CTNNA2: variants seen among roughly 807,000 people sequenced by gnomAD.
CTNNA2 encodes the protein catenin alpha 2.
A neutral mutation model predicts 101.0 loss-of-function variants in CTNNA2; 42 were observed. The ratio of observed to expected loss-of-function variants is 0.42; its 90% CI spans 0.32 to 0.54. The LOEUF (loss-of-function observed/expected upper bound fraction) is 0.54, where lower values mean the gene tolerates loss of function less well. CTNNA2 is among the 20% of genes least tolerant of loss of function. The pLI is 0.14. For synonymous variants in CTNNA2, 450 were observed against 456.4 expected (o/e 0.99, Z 0.18); for missense variants, 871 against 1,223.1 (o/e 0.71, Z 4.29).
chr2:80,573,882 T>G (rs1477885260), intron 12 of CTNNA2, among the ~76,000 whole-genome samples: 2 of 152,144 alleles, frequency 1.3e-5, no homozygotes, highest in African/African-American at 4.8e-5. Context: ...GAAAACTATA[T>G]TCACACACTA....
intron 3 of CTNNA2, among the ~76,000 whole-genome samples, chr2:79,353,778 T>C: frequency 6.6e-6 from 1 of 152,192 alleles, no homozygotes; most frequent in East Asian, 1.9e-4. Flanking sequence ...GCTATGTGCT[T>C]AAGTGTGTTT....
chr2:79,800,496 C>A (rs1460814171), intron 3 of CTNNA2, among the ~76,000 whole-genome samples: 1 of 151,956 alleles, frequency 6.6e-6, no homozygotes, highest in African/African-American at 2.4e-5. Context: ...TTGAAAAATA[C>A]AGGAAATGCT....
chr2:79,608,801 A>G (rs1023262935), intron 1 of CTNNA2, among the ~76,000 whole-genome samples: 2 of 152,066 alleles, frequency 1.3e-5, no homozygotes. Flanking sequence ...TATAAACTTA[A>G]TGTTAAAAGA....
rs1004105988 is a variant in CTNNA2, at chr2:80,103,739, G to C, written c.1056+193942G>C. On this transcript the variant is annotated intron_variant, in intron 7 of 18. Coordinates refer to ENST00000402739, the MANE Select transcript of CTNNA2 (RefSeq NM_001282597.3). ...CTTAAATAATGTTTTGTTTTGTTTT[G>C]TTTTTGATTTTTTGAGACAGAGTCT... Among the ~76,000 whole-genome samples, 4 of 152,076 alleles carry C rather than the reference G, an allele frequency of 2.6e-5. 1 individual carries two copies. In the South Asian group the frequency reaches 8.3e-4, roughly 32 times the overall value.
chr2:80,284,534 T>C (rs1309037755), intron 7 of CTNNA2, among the ~76,000 whole-genome samples: 1 of 152,154 alleles, frequency 6.6e-6, no homozygotes, highest in Non-Finnish European at 1.5e-5. Flanking sequence ...TGAATGTGGT[T>C]CAATGCAGTT....
At chr2:79,601,435 C>A (rs1253635264) in intron 1 of CTNNA2, among the ~76,000 whole-genome samples, 1 of 152,176 alleles carries the variant, frequency 6.6e-6, no homozygotes, top group East Asian at 1.9e-4. Context: ...GGGAGCTGGG[C>A]TCTCATACTC....
intron 2 of CTNNA2, among the ~76,000 whole-genome samples, chr2:79,216,796 T>G (rs1572983804): frequency 6.8e-6 from 1 of 147,112 alleles, no homozygotes; most frequent in Admixed American, 6.8e-5. Context: ...AGAGAAGGGG[T>G]AGAGACATGG....
rs79277167 is a variant in CTNNA2 at position 80,254,403 on chromosome 2, G to A, written c.1057-138808G>A. Among the ~76,000 whole-genome samples the A allele has an allele frequency of 5.4e-3, 827 of 152,266 alleles. 3 individuals carry two copies. Among genetic ancestry groups the A allele is most frequent in the African/African-American group, 0.018 (756 of 41,556 alleles). ...ACTGTAGAAAAAATAAGAAAGAAAG[G>A]ATGGAGGAAAAGTATTTGAAACAGA... On this transcript the variant is annotated intron_variant, in intron 7 of 18. Coordinates refer to ENST00000402739, the MANE Select transcript of CTNNA2 (RefSeq NM_001282597.3).
chr2:79,202,737 T>C (rs997712072), intron 2 of CTNNA2, among the ~76,000 whole-genome samples: 1 of 151,512 alleles, frequency 6.6e-6, no homozygotes, highest in Non-Finnish European at 1.5e-5. Context: ...CGTTTCTTTG[T>C]TTGTTTGTTT....
At chr2:80,063,796 C>T (rs1697777119) in intron 7 of CTNNA2, among the ~76,000 whole-genome samples, 2 of 152,174 alleles carry the variant, frequency 1.3e-5, no homozygotes, top group Non-Finnish European at 2.9e-5. Flanking sequence ...ATTTGTAACA[C>T]CTGCTGTTTC....
chr2:80,139,225 A>G (rs1029731864), intron 7 of CTNNA2, among the ~76,000 whole-genome samples: 1 of 152,108 alleles, frequency 6.6e-6, no homozygotes, highest in African/African-American at 2.4e-5. Flanking sequence ...CTCCCAGCCA[A>G]TGCACGCGTC....
At chr2:79,916,392 C>T (rs975505422) in intron 7 of CTNNA2, among the ~76,000 whole-genome samples, 5 of 152,004 alleles carry the variant, frequency 3.3e-5, no homozygotes, top group African/African-American at 7.2e-5. Flanking sequence ...CTTCTCTTTC[C>T]TGTTCTCTTT....
intron 8 of CTNNA2, among the ~76,000 whole-genome samples, chr2:80,412,575 G>C (rs556178173): frequency 5.3e-5 from 8 of 152,092 alleles, no homozygotes. Flanking sequence ...AGGTGATTTG[G>C]TGACCATGAA....
At chr2:80,024,556 G>A (rs1035436715) in intron 7 of CTNNA2, among the ~76,000 whole-genome samples, 1 of 152,238 alleles carries the variant, frequency 6.6e-6, no homozygotes, top group Non-Finnish European at 1.5e-5. Context: ...AACCCCTCAT[G>A]GGAGGGGAAG....
intron 18 of CTNNA2, among the ~76,000 whole-genome samples, chr2:80,633,243 G>C (rs1445828278): frequency 6.6e-6 from 1 of 152,150 alleles, no homozygotes; most frequent in Admixed American, 6.6e-5. Context: ...TGATAAATAA[G>C]TGGTATATAA....
intron 13 of CTNNA2, among the ~76,000 whole-genome samples, chr2:80,579,810 A>C (rs572177825): frequency 6.6e-6 from 1 of 152,354 alleles, no homozygotes; most frequent in South Asian, 2.1e-4. Flanking sequence ...GCCTTCATCA[A>C]TAACCACACC....
intron 3 of CTNNA2, among the ~76,000 whole-genome samples, chr2:79,336,209 C>G (rs1341014206): frequency 2.6e-5 from 4 of 152,074 alleles, no homozygotes; most frequent in Non-Finnish European, 4.4e-5. Flanking sequence ...GCCTTAGAAC[C>G]AGGGGGCAAG....
At chr2:80,384,136 A>G (rs1319732993) in intron 7 of CTNNA2, among the ~76,000 whole-genome samples, 1 of 152,154 alleles carries the variant, frequency 6.6e-6, no homozygotes, top group East Asian at 1.9e-4. Context: ...GGACACAAAG[A>G]GGGGAACAAC....
chr2:80,315,365 A>G (rs1338514383), intron 7 of CTNNA2, among the ~76,000 whole-genome samples: 1 of 152,190 alleles, frequency 6.6e-6, no homozygotes, highest in Non-Finnish European at 1.5e-5. Context: ...TTCTGTGGGG[A>G]CCAGGTTGAC....
Sources: gnomAD v4.1 joint callset for allele counts (sites outside exome capture counted in the v4.1 genomes callset) on GRCh38, gnomAD v4.1.1 for gene constraint, MANE v1.5 for transcripts, NCBI Gene and HGNC (gene_info 2026-07-23, HGNC 2026-07-21) for gene names.